The following SVIL variants were observed in gnomAD, a reference collection of about 807,000 sequenced individuals.
SVIL encodes the protein archvillin.
SVIL carries 101 observed loss-of-function variants against 240.4 expected under a neutral mutation model. The observed-to-expected ratio is 0.42, with a 90% CI of 0.36 to 0.50. SVIL has a LOEUF of 0.50. SVIL is among the 20% of genes least tolerant of loss of function. The probability of loss-of-function intolerance (pLI) is 0.01; values close to 1 mark genes in which losing one functional copy is unlikely to be tolerated. For missense variants in SVIL, 2,512 were observed against 2,818.7 expected, an observed-to-expected ratio of 0.89 and a Z score of 2.46; for synonymous variants, 999 against 1,100.0, an observed-to-expected ratio of 0.91 and a Z score of 1.82.
At chr10:29,546,693 C>T (rs1002731038) in intron 6 of SVIL, among the ~76,000 whole-genome samples, 8 of 152,208 alleles carry the variant, frequency 5.3e-5, no homozygotes, top group Non-Finnish European at 1.0e-4. Flanking sequence ...AGATGGTGCT[C>T]ACATTTGAAT....
intron 16 of SVIL, among the ~76,000 whole-genome samples, chr10:29,516,934 A>G (rs7899202): frequency 0.12 from 18,199 of 152,164 alleles, 1,355 homozygotes; most frequent in African/African-American, 0.21. Flanking sequence ...ATTAAATAAG[A>G]TGTGTTTTCT....
intron 1 of SVIL, among the ~76,000 whole-genome samples, chr10:29,607,792 T>C (rs1375058365): frequency 6.6e-6 from 1 of 152,178 alleles, no homozygotes; most frequent in African/African-American, 2.4e-5. Context: ...TCAAGGCAGC[T>C]CAAGGCTTCC....
chr10:29,513,053 C>A (rs1188351688), intron 16 of SVIL, among the ~76,000 whole-genome samples, 192 bp from the exon 17 acceptor site: 1 of 152,150 alleles, frequency 6.6e-6, no homozygotes, highest in East Asian at 1.9e-4. Context: ...CTAAGATGGC[C>A]CGAAGATTTT....
At chr10:29,594,621 G>T (rs1024809105) in intron 1 of SVIL, among the ~76,000 whole-genome samples, 11 of 150,626 alleles carry the variant, frequency 7.3e-5, no homozygotes, top group Admixed American at 6.0e-4. Context: ...CAGTGGTGCA[G>T]TCTGGGCTCA....
chr10:29,474,594 CAAATAAATAAATAAATAAATAAATAAAT>C (rs59193522), intron 29 of SVIL, among the ~76,000 whole-genome samples: 3 of 140,130 alleles, frequency 2.1e-5, no homozygotes, highest in Non-Finnish European at 3.1e-5. Context: ...GACTCTCTTA[CAAATAAATAAATAAATAAATAAATAAAT>C]AAATAAATAA....
rs1352853688 is a variant in SVIL at position 29,467,862 on chromosome 10, C to T, written c.5857G>A (p.Ala1953Thr). The T allele has an allele frequency of 3.7e-6, 6 of 1,614,052 alleles. No individual in the cohort carries two copies. The highest frequency in any genetic ancestry group is 5.1e-6 in the Non-Finnish European group (6 of 1,180,028). Residue 1953 changes from alanine to threonine, a missense_variant, in exon 33 of 38, where the codon GCA becomes ACA. Transcript: ENST00000355867. ...NKIKEQCPLE[A>T]GLHSSSKVTI... Reference sequence around the variant, plus strand: ...ACTTTGCTGCTACTATGCAGTCCTGCTTCCAGGGGACATCTGCAAGGGAGA... The same window carrying T: ...ACTTTGCTGCTACTATGCAGTCCTGTTTCCAGGGGACATCTGCAAGGGAGA...
rs2132372302 is a variant in SVIL, at chr10:29,484,873, A to G, written c.4780-42T>C. ...AAAAGAATTTGTTAACTTCAAGAAC[A>G]TGCAACAGTTGAATCAGGTGCAACA... is the stretch of plus-strand genomic sequence containing the variant. On this transcript the variant is annotated intron_variant, in intron 26 of 37. Transcript: ENST00000355867. The surrounding 1 kb of genome is among the most constrained non-coding windows in gnomAD (Gnocchi z 4.7). 6.4e-7 allele frequency: 1 copy of G among 1,556,936 alleles called. No individual in the cohort carries two copies. Among genetic ancestry groups the G allele is most frequent in the Non-Finnish European group, 8.7e-7 (1 of 1,147,618 alleles).
At chr10:29,578,917 T>A (rs1272191708) in intron 1 of SVIL, among the ~76,000 whole-genome samples, 2 of 151,548 alleles carry the variant, frequency 1.3e-5, no homozygotes. Flanking sequence ...ACTTAAAGTC[T>A]TCTTGTCTTT....
chr10:29,733,245 T>C (rs959897037), intron 1 of SVIL, among the ~76,000 whole-genome samples: 9 of 152,244 alleles, frequency 5.9e-5, no homozygotes, highest in Non-Finnish European at 1.2e-4. Context: ...TGCTAGGCAC[T>C]GTGCCGAGTA....
chr10:29,479,774 G>A (rs1946622695), intron 29 of SVIL, among the ~76,000 whole-genome samples: 1 of 152,224 alleles, frequency 6.6e-6, no homozygotes, highest in Non-Finnish European at 1.5e-5. Flanking sequence ...TGCACAGCAA[G>A]GGGGCTGTAA....
chr10:29,647,971 C>CAA lies in SVIL; in HGVS notation c.-201+9996_-201+9997dup, dbSNP rs3030628. Reference sequence around the variant, plus strand: ...GAAATGATTAAACTTTTGTCAATATCAAAAAAAAAAAAAACAAAAAAAATC... The same window carrying CAA: ...GAAATGATTAAACTTTTGTCAATATCAAAAAAAAAAAAAAAACAAAAAAAATC... On this transcript the variant is annotated intron_variant, in intron 3 of 35. Coordinates refer to the SVIL transcript ENST00000375400. 9.4e-3 allele frequency among the ~76,000 whole-genome samples: 906 copies of CAA among 96,282 alleles called. 10 individuals carry two copies. Among genetic ancestry groups the CAA allele is most frequent in the African/African-American group, 0.015 (387 of 25,142 alleles). The allele number at this position is 96,282 out of a possible 152,430, so 63.2% of individuals were successfully genotyped here.
chr10:29,645,177 A>C (rs1277316269), intron 3 of SVIL, among the ~76,000 whole-genome samples: 1 of 152,152 alleles, frequency 6.6e-6, no homozygotes, highest in Non-Finnish European at 1.5e-5. Context: ...TAAGATTCCT[A>C]CAGTGCCATC....
At chr10:29,558,756 G>A (rs1286880153) in intron 3 of SVIL, among the ~76,000 whole-genome samples, 6 of 150,922 alleles carry the variant, frequency 4.0e-5, no homozygotes, top group East Asian at 3.9e-4. Flanking sequence ...ATGAAACCCC[G>A]TCTCAACTAA....
chr10:29,562,475 C>A (rs1407586932), intron 3 of SVIL, among the ~76,000 whole-genome samples: 1 of 152,192 alleles, frequency 6.6e-6, no homozygotes, highest in East Asian at 1.9e-4. Context: ...AATGTAAAAG[C>A]CCTGGCTGGG....
chr10:29,638,201 C>T (rs376368725), upstream of SVIL, among the ~76,000 whole-genome samples: 1 of 152,176 alleles, frequency 6.6e-6, no homozygotes, highest in South Asian at 2.1e-4. Context: ...GTGGCTCACA[C>T]CTGTAATCCC....
chr10:29,678,511 C>T (rs1960377560), intron 2 of SVIL, among the ~76,000 whole-genome samples: 2 of 152,174 alleles, frequency 1.3e-5, no homozygotes, highest in South Asian at 4.1e-4. Flanking sequence ...TGCCGCTCAC[C>T]TCCTGCTGTG....
intron 6 of SVIL, among the ~76,000 whole-genome samples, chr10:29,546,654 C>A (rs555238975): frequency 1.2e-4 from 18 of 152,054 alleles, no homozygotes; most frequent in Non-Finnish European, 2.5e-4. Flanking sequence ...TGTTAATGTA[C>A]GTGAGCACAT....
At chr10:29,725,088 A>G (rs989246998) in intron 1 of SVIL, among the ~76,000 whole-genome samples, 17 of 148,162 alleles carry the variant, frequency 1.1e-4, no homozygotes, top group Non-Finnish European at 2.1e-4. Context: ...CTAAATTTTC[A>G]GGGTGGAATT....
chr10:29,725,220 A>G (rs748234290), intron 1 of SVIL, among the ~76,000 whole-genome samples: 3 of 151,908 alleles, frequency 2.0e-5, no homozygotes, highest in Non-Finnish European at 4.4e-5. Context: ...TTTCTCCTAG[A>G]GCCTCAGGGT....
Sources: allele counts gnomAD v4.1 joint callset (sites outside exome capture counted in the v4.1 genomes callset), GRCh38; gene constraint gnomAD v4.1.1; non-coding constraint Gnocchi (gnomAD v3.1); transcripts MANE v1.5; gene names NCBI Gene and HGNC (gene_info 2026-07-23, HGNC 2026-07-21).